The following MRPS30 variants were observed in gnomAD, a reference collection of about 807,000 sequenced individuals.
MRPS30 encodes large ribosomal subunit protein mL65.
In MRPS30, 42 loss-of-function variants were observed where a neutral mutation model predicts 43.8. That is an observed-to-expected ratio of 0.96 (90% CI 0.75 to 1.24). MRPS30 has a LOEUF of 1.24. Ranked by LOEUF, MRPS30 falls within the 50% of genes most tolerant of loss-of-function variation. The probability of loss-of-function intolerance (pLI) is 0.00; values close to 1 mark genes in which losing one functional copy is unlikely to be tolerated. For missense variants in MRPS30, 638 were observed against 570.0 expected, an observed-to-expected ratio of 1.12 and a Z score of -1.22; for synonymous variants, 273 against 228.2, an observed-to-expected ratio of 1.20 and a Z score of -1.77.
intron 1 of MRPS30, 173 bp downstream of exon 1, chr5:44,809,736 T>A: frequency 5.9e-6 from 4 of 681,698 alleles, no homozygotes; most frequent in Non-Finnish European, 9.6e-6. Context: ...GCGTTAGGAA[T>A]CTAGAGACTA....
In MRPS30 at chr5:44,809,491, C is replaced by G. The variant is rs781437609; in HGVS notation, c.529C>G (p.Leu177Val). 3.1e-6 allele frequency: 5 copies of G among 1,613,734 alleles called. No individual in the cohort carries two copies. Among genetic ancestry groups the G allele is most frequent in the Non-Finnish European group, 3.4e-6 (4 of 1,179,968 alleles). Residue 177 changes from leucine to valine, a missense_variant, in exon 1 of 5, where the codon CTG (leucine) becomes GTG (valine). Coordinates refer to ENST00000507110, the MANE Select transcript of MRPS30 (RefSeq NM_016640.4). ...GAGCGAGGTCATATCTTTGCCCTTC[C>G]TGGATCAGCTGGTGTCAACCCTCGT... ...EESEVISLPFLDQLVSTLVGL... is the reference protein window; with the variant it reads ...EESEVISLPFVDQLVSTLVGL...
In MRPS30 at chr5:44,811,155, G is replaced by T. The variant is rs1220253518; in HGVS notation, c.747+1G>T. On this transcript the variant is annotated splice_donor_variant, in intron 2 of 4. Transcript: ENST00000507110. LOFTEE classifies it high-confidence loss of function. ...TCGAATATCCAAGCAACTCGCAGAGGTAAGGATTTATTGCGATTATGTATC... is the reference window on the plus strand; with the variant it reads ...TCGAATATCCAAGCAACTCGCAGAGTTAAGGATTTATTGCGATTATGTATC... The T allele has an allele frequency of 1.2e-6, 2 of 1,613,786 alleles. No individual in the cohort carries two copies. Among genetic ancestry groups the T allele is most frequent in the Admixed American group, 1.7e-5 (1 of 60,016 alleles).
At chr5:44,814,668 A>T (rs1742891001) in intron 4 of MRPS30, among the ~76,000 whole-genome samples, 1 of 152,182 alleles carries the variant, frequency 6.6e-6, no homozygotes, top group Non-Finnish European at 1.5e-5. Context: ...AATAAGACTG[A>T]TGTTGTTGAA....
rs538390017 is a variant in MRPS30, at chr5:44,809,082, C to A, written c.120C>A (p.Pro40=). The A allele has an allele frequency of 1.4e-5, 23 of 1,609,914 alleles. No individual in the cohort carries two copies. In the East Asian group the frequency reaches 4.7e-4, roughly 33 times the overall value. The stretch of plus-strand genomic sequence containing the variant: ...CCTGCCAAGACGTCGCGGCGACCCC[C>A]GTCGCGCGGTACCCGCCGATTGTGG... ...ETTCQDVAAT[P]VARYPPIVAS... Residue 40 remains proline (P), a synonymous_variant, in exon 1 of 5, where the codon CCC becomes CCA. Transcript: ENST00000507110.
chr5:44,811,097 A>T lies in MRPS30; in HGVS notation c.690A>T (p.Arg230=), dbSNP rs745722567. 6.2e-7 allele frequency: 1 copy of T among 1,614,110 alleles called. No homozygotes were observed. The highest frequency in any genetic ancestry group is 1.1e-5 in the South Asian group (1 of 91,080). The change falls in exon 2 of 5, where the codon CGA becomes CGT. Residue 230 remains arginine, a synonymous_variant. Transcript: ENST00000507110. ...GHRRGRIDDL[R]YQIDDKPNNQ... is the part of the protein sequence containing the mutation. ...GAAGAGGTCGAATTGATGACTTGCG[A>T]TACCAGATAGATGATAAACCAAACA...
chr5:44,810,864 A>G (rs1742829046), intron 1 of MRPS30, 145 bp from the exon 2 acceptor site: 1 of 644,370 alleles, frequency 1.6e-6, no homozygotes, highest in African/African-American at 1.8e-5. Flanking sequence ...TTAAGTCATA[A>G]TAGTTAAATT....
At chr5:44,813,494 T>C in intron 4 of MRPS30, 1 of 405,348 alleles carries the variant, frequency 2.5e-6, no homozygotes, top group South Asian at 4.5e-5. Flanking sequence ...GTCTTTTACT[T>C]TGACCATCTT....
chr5:44,809,394 G>T lies in MRPS30; in HGVS notation c.432G>T (p.Ala144=), dbSNP rs139744880. 2 of 1,610,292 alleles carry T rather than the reference G, an allele frequency of 1.2e-6. No individual in the cohort carries two copies. The highest frequency in any genetic ancestry group is 2.7e-5 in the African/African-American group (2 of 74,958). The change falls in exon 1 of 5, where the codon GCG becomes GCT. Residue 144 remains alanine (A), a synonymous_variant. Coordinates refer to ENST00000507110, the MANE Select transcript of MRPS30 (RefSeq NM_016640.4). ...EPALDLAALR[A]VACDCLLQEH... ...CGCTGGACCTCGCGGCGCTGCGTGC[G>T]GTCGCCTGCGACTGCCTGCTGCAGG...
intron 4 of MRPS30, 127 bp downstream of exon 4, chr5:44,813,409 C>A: frequency 1.4e-6 from 1 of 737,686 alleles, no homozygotes; most frequent in Non-Finnish European, 2.1e-6. Context: ...TTTGCATTGG[C>A]ACAAAGTACA....
chr5:44,811,916 T>A lies in MRPS30; in HGVS notation c.749T>A (p.Phe250Tyr). Residue 250 changes from phenylalanine to tyrosine, a missense_variant and splice_region_variant, in exon 3 of 5, where the codon TTT becomes TAT. Physicochemically the swap from Phe to Tyr is conservative, Grantham distance 22. Transcript: ENST00000507110. Reference sequence around the variant, plus strand: ...GTATGTCTTTTCTTTTTCTTTAAGTTTGTGCCATTGGATTATTCTGTTCCT... The same window carrying A: ...GTATGTCTTTTCTTTTTCTTTAAGTATGTGCCATTGGATTATTCTGTTCCT... Reference protein sequence around the residue: ...QIRISKQLAEFVPLDYSVPIE... With the variant: ...QIRISKQLAEYVPLDYSVPIE... 6.6e-7 allele frequency: 1 copy of A among 1,524,384 alleles called. No homozygotes were observed. Among genetic ancestry groups the A allele is most frequent in the Non-Finnish European group, 8.9e-7 (1 of 1,126,354 alleles). The allele number at this position is 1,524,384 out of a possible 1,614,324, so 94.4% of individuals were successfully genotyped here.
At chr5:44,813,407 G>C in intron 4 of MRPS30, 125 bp downstream of exon 4, 1 of 753,274 alleles carries the variant, frequency 1.3e-6, no homozygotes, top group South Asian at 2.4e-5. Flanking sequence ...CTTTTGCATT[G>C]GCACAAAGTA....
At chr5:44,810,972 G>A in intron 1 of MRPS30, 37 bp from the exon 2 acceptor site, 1 of 1,582,580 alleles carries the variant, frequency 6.3e-7, no homozygotes, top group South Asian at 1.1e-5. Context: ...TTATTTAGAT[G>A]ATCAGATGAA....
At chr5:44,813,716 T>C (rs571647989) in intron 4 of MRPS30, 1 of 156,094 alleles carries the variant, frequency 6.4e-6, no homozygotes, top group Non-Finnish European at 1.4e-5. Flanking sequence ...CAGTAACTGC[T>C]TTTTTATATG....
At position 44,811,993 on chromosome 5, in the gene MRPS30, C is replaced by T. The variant is rs61753790; in HGVS notation, c.826C>T (p.Arg276Trp). 66 of 1,599,764 alleles carry T rather than the reference C, an allele frequency of 4.1e-5. No individual in the cohort carries two copies. The East Asian group carries it at 6.1e-4, about 15-fold the overall frequency. Reference protein sequence around the residue: ...CKPDKLPLFKRQYENHIFVGS... With the variant: ...CKPDKLPLFKWQYENHIFVGS... Reference sequence around the variant, plus strand: ...ACCAGACAAACTTCCATTATTCAAACGGCAGTATGAAAACCACATATTTGT... The same window carrying T: ...ACCAGACAAACTTCCATTATTCAAATGGCAGTATGAAAACCACATATTTGT... Residue 276 changes from arginine (R) to tryptophan (W), a missense_variant, in exon 3 of 5, where the codon CGG becomes TGG. By Grantham distance (101) the Arg-to-Trp change is moderately radical. Transcript: ENST00000507110.
chr5:44,813,982 C>A (rs1742882227), intron 4 of MRPS30, among the ~76,000 whole-genome samples: 1 of 152,110 alleles, frequency 6.6e-6, no homozygotes, highest in South Asian at 2.1e-4. Flanking sequence ...ACTCTAAGAC[C>A]TGAATGGCGA....
In MRPS30 at chr5:44,809,320, C is replaced by A. The variant is rs939413082; in HGVS notation, c.358C>A (p.Pro120Thr). The change falls in exon 1 of 5, where the codon CCG (proline) becomes ACG (threonine). Residue 120 changes from proline (P) to threonine (T), a missense_variant. Pro to Thr is a conservative substitution (Grantham distance 38). Transcript: ENST00000507110. ...GACCGTGTTCCTGTCGGGTCTGCCG[C>A]CGCCCCCAGCGGAGCCCGAGCCCGA... ...TKTVFLSGLP[P>T]PPAEPEPEPE... The A allele has an allele frequency of 1.2e-6, 2 of 1,611,916 alleles. No homozygotes were observed. Among genetic ancestry groups the A allele is most frequent in the African/African-American group, 1.3e-5 (1 of 74,896 alleles).
chr5:44,809,220 G>T lies in MRPS30; in HGVS notation c.258G>T (p.Met86Ile), dbSNP rs745940842. 5.0e-6 allele frequency: 8 copies of T among 1,613,494 alleles called. No homozygotes were observed. Among genetic ancestry groups the T allele is most frequent in the Non-Finnish European group, 5.1e-6 (6 of 1,179,898 alleles). Reference protein sequence around the residue: ...VDEKLRILTKMQFMKYMVYPQ... With the variant: ...VDEKLRILTKIQFMKYMVYPQ... ...AGAAGCTGCGAATCCTCACCAAGAT[G>T]CAGTTTATGAAGTACATGGTTTACC... The change falls in exon 1 of 5, where the codon ATG becomes ATT. Residue 86 changes from methionine to isoleucine, a missense_variant. Met to Ile is a conservative substitution (Grantham distance 10, BLOSUM62 1). Transcript: ENST00000507110.
intron 1 of MRPS30, 124 bp downstream of exon 1, chr5:44,809,687 C>G: frequency 1.8e-6 from 2 of 1,128,564 alleles, no homozygotes; most frequent in Non-Finnish European, 2.5e-6. Flanking sequence ...CTAGTCCTTT[C>G]GTTCCTATCT....
rs1485215929 is a variant in MRPS30, at chr5:44,811,156, T to C, written c.747+2T>C. ...CGAATATCCAAGCAACTCGCAGAGG[T>C]AAGGATTTATTGCGATTATGTATCT... is the stretch of plus-strand genomic sequence containing the variant. On this transcript the variant is annotated splice_donor_variant, in intron 2 of 4. Coordinates refer to ENST00000507110, the MANE Select transcript of MRPS30 (RefSeq NM_016640.4). LOFTEE classifies it high-confidence loss of function. The C allele has an allele frequency of 6.2e-7, 1 of 1,613,662 alleles. No homozygotes were observed. Among genetic ancestry groups the C allele is most frequent in the African/African-American group, 1.3e-5 (1 of 74,896 alleles).
Sources: allele counts gnomAD v4.1 joint callset (sites outside exome capture counted in the v4.1 genomes callset), GRCh38; gene constraint gnomAD v4.1.1; transcripts MANE v1.5; gene names NCBI Gene and HGNC (gene_info 2026-07-23, HGNC 2026-07-21).